ZNF146: variants seen among roughly 807,000 people sequenced by gnomAD.
The protein encoded by ZNF146 is zinc finger protein OZF.
In ZNF146, 9 loss-of-function variants were observed where a neutral mutation model predicts 22.2. That is an observed-to-expected ratio of 0.41 (90% CI 0.24 to 0.71). The LOEUF is 0.71. ZNF146 is among the 30% of genes least tolerant of loss of function. ZNF146 has a pLI of 0.34. For synonymous variants in ZNF146, 108 were observed against 119.2 expected (o/e 0.91, Z 0.61); for missense variants, 194 against 344.8 (o/e 0.56, Z 3.46).
intron 2 of ZNF146, among the ~76,000 whole-genome samples, chr19:36,218,749 G>A (rs1033742786): frequency 4.0e-5 from 6 of 151,742 alleles, no homozygotes; most frequent in African/African-American, 1.5e-4. Context: ...CATTACAGGC[G>A]TGAGCCACTG....
intron 3 of ZNF146, among the ~76,000 whole-genome samples, chr19:36,233,212 G>A (rs1977466215): frequency 6.6e-6 from 1 of 152,096 alleles, no homozygotes; most frequent in African/African-American, 2.4e-5. Flanking sequence ...GTGAAATCCT[G>A]TCTCTACTAA....
chr19:36,216,514 C>T (rs1222272065), intron 1 of ZNF146, among the ~76,000 whole-genome samples: 2 of 138,636 alleles, frequency 1.4e-5, no homozygotes, highest in East Asian at 2.2e-4. Flanking sequence ...AAAAATTAGC[C>T]GGGCGTGGTG....
chr19:36,224,291 G>C (rs1431676878), intron 2 of ZNF146, among the ~76,000 whole-genome samples: 1 of 152,176 alleles, frequency 6.6e-6, no homozygotes, highest in African/African-American at 2.4e-5. Context: ...TGAGACAGGA[G>C]AATCGCTTGA....
At chr19:36,231,755 G>A (rs1392305339) in intron 3 of ZNF146, among the ~76,000 whole-genome samples, 1 of 152,080 alleles carries the variant, frequency 6.6e-6, no homozygotes, top group Non-Finnish European at 1.5e-5. Context: ...AATAGGATCA[G>A]TCAAGCCTTA....
chr19:36,225,110 G>C (rs761198036), intron 2 of ZNF146, among the ~76,000 whole-genome samples: 1 of 152,076 alleles, frequency 6.6e-6, no homozygotes, highest in Non-Finnish European at 1.5e-5. Flanking sequence ...TTTTACATTA[G>C]ATAAGATACT....
intron 2 of ZNF146, among the ~76,000 whole-genome samples, chr19:36,220,282 A>G (rs1039021292): frequency 1.3e-5 from 2 of 152,012 alleles, no homozygotes; most frequent in African/African-American, 4.8e-5. Context: ...AAAAATCATG[A>G]GTCCATATTC....
intron 3 of ZNF146, among the ~76,000 whole-genome samples, chr19:36,234,729 G>T (rs1290352921): frequency 1.3e-5 from 2 of 152,142 alleles, no homozygotes; most frequent in Non-Finnish European, 2.9e-5. Context: ...CTGCAGAATG[G>T]TGCTGCAGGT....
intron 2 of ZNF146, among the ~76,000 whole-genome samples, chr19:36,225,090 T>G (rs1355952117): frequency 6.6e-6 from 1 of 152,190 alleles, no homozygotes; most frequent in Non-Finnish European, 1.5e-5. Context: ...CATGATTTGC[T>G]TTTCAGTGTT....
rs1454591966 is a variant in ZNF146 at position 36,238,589 on chromosome 19, GGAGT to G, written c.*1274_*1277del. 6.0e-6 allele frequency: 1 copy of G among 166,942 alleles called. No homozygotes were observed. Among genetic ancestry groups the G allele is most frequent in the African/African-American group, 2.4e-5 (1 of 41,414 alleles). 10.3% of individuals were successfully genotyped at this position (166,942 alleles called of 1,614,324 possible). On this transcript the variant is annotated 3_prime_UTR_variant, in exon 4 of 4. Coordinates refer to ENST00000443387, the MANE Select transcript of ZNF146 (RefSeq NM_007145.3). ...TTTAAAATTTCTCAAAATAGGAATG[GGAGT>G]GAGGATGGGAATGCTGTATCTGTGG...
chr19:36,217,060 T>C (rs866251655), intron 1 of ZNF146, among the ~76,000 whole-genome samples: 3 of 129,112 alleles, frequency 2.3e-5, no homozygotes, highest in African/African-American at 8.7e-5. Context: ...CCTGTCTTTT[T>C]TTTTTTTTTT....
At chr19:36,228,058 G>T (rs1977152768) in intron 2 of ZNF146, among the ~76,000 whole-genome samples, 1 of 151,858 alleles carries the variant, frequency 6.6e-6, no homozygotes, top group South Asian at 2.1e-4. Context: ...TACTCAGGAG[G>T]CTGAGGCAGG....
At chr19:36,216,841 G>T (rs1157359163) in intron 1 of ZNF146, among the ~76,000 whole-genome samples, 1 of 107,724 alleles carries the variant, frequency 9.3e-6, no homozygotes, top group African/African-American at 3.6e-5. Context: ...AAAGCCTCAG[G>T]CCGGGCTTGG....
chr19:36,229,176 T>G (rs147519156), intron 3 of ZNF146, among the ~76,000 whole-genome samples: 3 of 152,350 alleles, frequency 2.0e-5, no homozygotes, highest in East Asian at 3.9e-4. Context: ...TTCAGGTTCC[T>G]TTTTGTTACT....
chr19:36,217,741 A>G (rs911365388), intron 1 of ZNF146, among the ~76,000 whole-genome samples: 8 of 152,176 alleles, frequency 5.3e-5, no homozygotes, highest in African/African-American at 1.9e-4. Flanking sequence ...AAAATTAGCC[A>G]GGCGTGGCGG....
At chr19:36,224,453 C>A (rs1037492538) in intron 2 of ZNF146, among the ~76,000 whole-genome samples, 3 of 152,206 alleles carry the variant, frequency 2.0e-5, no homozygotes, top group Admixed American at 1.3e-4. Context: ...TAAATTCTCA[C>A]ATTTATTTGG....
At chr19:36,233,106 A>T (rs1029062419) in intron 3 of ZNF146, among the ~76,000 whole-genome samples, 1 of 152,254 alleles carries the variant, frequency 6.6e-6, no homozygotes. Flanking sequence ...GCTCCTGGCC[A>T]GGCGTGGTGG....
intron 2 of ZNF146, among the ~76,000 whole-genome samples, chr19:36,220,716 T>C (rs1018938850): frequency 2.0e-5 from 3 of 152,142 alleles, no homozygotes; most frequent in Non-Finnish European, 2.9e-5. Context: ...TAAGTACTTA[T>C]TTTGTTTGCT....
Position 36,228,797 on chromosome 19 carries a change from A to G in ZNF146, c.-805A>G, listed in dbSNP as rs1269898989. 1 of 152,284 alleles carries G rather than the reference A, an allele frequency of 6.6e-6. No homozygotes were observed. 9.4% of individuals were successfully genotyped at this position (152,284 alleles called of 1,614,324 possible). On this transcript the variant is annotated 5_prime_UTR_variant, in exon 3 of 4. Transcript: ENST00000443387. Reference sequence around the variant, plus strand: ...AGAAGACAAACTGTATGGTGGAGAAAGAAGTGGGAAGGATCTGCGCGGGTG... The same window carrying G: ...AGAAGACAAACTGTATGGTGGAGAAGGAAGTGGGAAGGATCTGCGCGGGTG...
In ZNF146 at chr19:36,238,454, A is replaced by AAG. The variant is rs1977726308; in HGVS notation, c.*1136_*1137insGA. The AAG allele has an allele frequency of 1.2e-5, 2 of 167,080 alleles. No individual in the cohort carries two copies. Among genetic ancestry groups the AAG allele is most frequent in the African/African-American group, 4.8e-5 (2 of 41,442 alleles). 10.3% of individuals were successfully genotyped at this position (167,080 alleles called of 1,614,324 possible). A position where few individuals can be genotyped will look rare whatever the true frequency, so the allele number is the denominator to read the frequency against. ...TAAAGGGGACTTCAGCTTTTTATAT[A>AAG]AACATCCACTTCTCTTTCAAAAGAC... On this transcript the variant is annotated 3_prime_UTR_variant, in exon 4 of 4. Transcript: ENST00000443387.
Sources: gnomAD v4.1 joint callset for allele counts (sites outside exome capture counted in the v4.1 genomes callset) on GRCh38, gnomAD v4.1.1 for gene constraint, MANE v1.5 for transcripts, NCBI Gene and HGNC (gene_info 2026-07-23, HGNC 2026-07-21) for gene names.